MYH9: variants seen among roughly 807,000 people sequenced by gnomAD.
The protein encoded by MYH9 is myosin heavy chain 9, also known as myosin-9.
Under a neutral mutation model 241.9 loss-of-function variants are expected in MYH9, and 29 were observed. That is an observed-to-expected ratio of 0.12 (90% CI 0.09 to 0.16). MYH9 has a LOEUF of 0.16. Ranked by LOEUF, MYH9 falls within the 10% of genes least tolerant of loss-of-function variation. The pLI is 1.00. For missense variants in MYH9, 1,803 were observed against 2,595.5 expected (o/e 0.69, Z 6.63); for synonymous variants, 1,047 against 1,062.6 (o/e 0.99, Z 0.29).
chr22:36,316,059 CAG>C (rs1241790663), intron 12 of MYH9, among the ~76,000 whole-genome samples: 1 of 124,138 alleles, frequency 8.1e-6, no homozygotes, highest in African/African-American at 2.9e-5. Flanking sequence ...TTTTTTGAGA[CAG>C]AGTTTCACAC....
Position 36,295,493 on chromosome 22 carries a change from C to A in MYH9, c.3485+12G>T, listed in dbSNP as rs989099484. The A allele has an allele frequency of 3.7e-6, 6 of 1,611,146 alleles. No individual in the cohort carries two copies. In the African/African-American group the frequency reaches 5.3e-5, roughly 14 times the overall value. On this transcript the variant is annotated intron_variant, in intron 26 of 40. Transcript: ENST00000216181. The surrounding 1 kb of genome is among the most constrained non-coding windows in gnomAD (Gnocchi z 4.1). ...CCCTCCCCATCCCGAGGGACTTGGTCCCAGGGCACACCTGAGCTCCTGCTG... is the reference window on the plus strand; with the variant it reads ...CCCTCCCCATCCCGAGGGACTTGGTACCAGGGCACACCTGAGCTCCTGCTG...
Position 36,300,213 on chromosome 22 carries a change from G to T in MYH9, c.2890C>A (p.Leu964Met). The change falls in exon 23 of 41, where the codon CTG becomes ATG. Residue 964 changes from leucine to methionine, a missense_variant. Leu to Met is a conservative substitution (Grantham distance 15, BLOSUM62 2). Around this residue, in one of 11 missense-constraint regions of MYH9, gnomAD observed 290 missense variants for 360.5 expected, o/e 0.80. Coordinates refer to ENST00000216181, the MANE Select transcript of MYH9 (RefSeq NM_002473.6). This position sits in a 1 kb window ranked among gnomAD's most constrained non-coding sequence, Gnocchi z 5.0. ...TTCGCCTCGGTGGTCACCTTCTCCA[G>T]CTGCAGCTTCTGCCGGGCGCTCTCC... ...EEESARQKLQ[L>M]EKVTTEAKLK... The T allele has an allele frequency of 6.2e-7, 1 of 1,613,184 alleles. No individual in the cohort carries two copies. Among genetic ancestry groups the T allele is most frequent in the South Asian group, 1.1e-5 (1 of 91,042 alleles).
intron 1 of MYH9, among the ~76,000 whole-genome samples, chr22:36,381,324 G>A (rs193075488): frequency 0.021 from 3,160 of 152,122 alleles, 64 homozygotes; most frequent in Non-Finnish European, 0.033. Context: ...GGACCAACCT[G>A]GGCAACATGG....
rs1364444432 is a variant in MYH9 at position 36,305,960 on chromosome 22, T to C, written c.2129A>G (p.Asn710Ser). The C allele has an allele frequency of 6.2e-7, 1 of 1,613,390 alleles. No homozygotes were observed. Among genetic ancestry groups the C allele is most frequent in the Non-Finnish European group, 8.5e-7 (1 of 1,179,990 alleles). Residue 710 changes from asparagine (N) to serine (S), a missense_variant, in exon 17 of 41, where the codon AAC becomes AGC. This residue lies in a region of MYH9 where 163 missense variants were observed against 349.7 expected (regional missense o/e 0.47). Transcript: ENST00000216181. The surrounding 1 kb of genome is among the most constrained non-coding windows in gnomAD (Gnocchi z 4.7). ...GIRICRQGFP[N>S]RVVFQEFRQR... ...CCGAAACTCCTGGAAGACCACCCTG[T>C]TGGGGAAGCCCTGGCGGCAGATACG...
chr22:36,345,023 C>G (rs2017654447), intron 2 of MYH9, among the ~76,000 whole-genome samples: 1 of 152,200 alleles, frequency 6.6e-6, no homozygotes, highest in Non-Finnish European at 1.5e-5. Flanking sequence ...TTAGAAAGTT[C>G]CCATGGATGC....
At chr22:36,346,338 G>A (rs924650484) in intron 2 of MYH9, among the ~76,000 whole-genome samples, 1 of 152,166 alleles carries the variant, frequency 6.6e-6, no homozygotes. Flanking sequence ...CAGGAGTTCC[G>A]GGCAAATACA....
At chr22:36,303,378 T>C (rs1489787273) in intron 19 of MYH9, among the ~76,000 whole-genome samples, 1 of 151,802 alleles carries the variant, frequency 6.6e-6, no homozygotes. Flanking sequence ...CTCTGGGTGC[T>C]GTCCCCACAA....
At chr22:36,315,625 G>A (rs796960052) in intron 12 of MYH9, among the ~76,000 whole-genome samples, 24 of 152,220 alleles carry the variant, frequency 1.6e-4, no homozygotes, top group African/African-American at 5.8e-4. Context: ...CCACATGCCT[G>A]TAGTACCAGC....
chr22:36,358,765 C>T (rs1405449220), intron 1 of MYH9, among the ~76,000 whole-genome samples: 1 of 152,222 alleles, frequency 6.6e-6, no homozygotes, highest in Non-Finnish European at 1.5e-5. Context: ...TCCCCTGCCA[C>T]TTCTACAGAA....
chr22:36,319,723 G>C, intron 9 of MYH9, 88 bp from the exon 10 acceptor site: 14 of 1,290,790 alleles, frequency 1.1e-5, no homozygotes, highest in Non-Finnish European at 1.5e-5. Context: ...GGATCCTCAA[G>C]CCAGACAAGC....
rs1053375980 is a variant in MYH9, at chr22:36,329,787, G to T, written c.491-2299C>A. ...CACACAGAGGCGCACGCACGCACAAGGGCATGGACACACACATAGACACGC... is the reference window on the plus strand; with the variant it reads ...CACACAGAGGCGCACGCACGCACAATGGCATGGACACACACATAGACACGC... On this transcript the variant is annotated intron_variant, in intron 3 of 40. Coordinates refer to ENST00000216181, the MANE Select transcript of MYH9 (RefSeq NM_002473.6). The surrounding 1 kb of genome is among the most constrained non-coding windows in gnomAD (Gnocchi z 4.1). 4.6e-5 allele frequency among the ~76,000 whole-genome samples: 7 copies of T among 152,196 alleles called. No individual in the cohort carries two copies. The highest frequency in any genetic ancestry group is 1.0e-4 in the Non-Finnish European group (7 of 68,038).
chr22:36,303,091 G>A (rs553477711), intron 19 of MYH9, among the ~76,000 whole-genome samples: 2 of 152,158 alleles, frequency 1.3e-5, no homozygotes, highest in East Asian at 1.9e-4. Context: ...GTGGGAGAAC[G>A]TCAGAAGCTG....
intron 31 of MYH9, 62 bp from the exon 32 acceptor site, chr22:36,289,359 G>A (rs2016648428): frequency 1.3e-6 from 2 of 1,490,522 alleles, no homozygotes; most frequent in Non-Finnish European, 1.8e-6. Flanking sequence ...CAGGGCAGCT[G>A]GGCCTAAGCT....
chr22:36,352,394 G>A (rs1053117101), intron 1 of MYH9, among the ~76,000 whole-genome samples: 1 of 152,250 alleles, frequency 6.6e-6, no homozygotes, highest in African/African-American at 2.4e-5. Context: ...AGCAGTGGCA[G>A]AATGAGCTCT....
At position 36,282,721 on chromosome 22, in the gene MYH9, C is replaced by G; in HGVS notation, c.5830G>C (p.Asp1944His). ...TCCGCTTTGCCATCTACCTCTTCGT[C>G]GGAGCCATCCCCGGCGCCTTTCCGG... The part of the protein sequence containing the change: ...MARKGAGDGS[D>H]EEVDGKADGA... Residue 1944 changes from aspartate (D) to histidine (H), a missense_variant, in exon 41 of 41, where the codon GAC becomes CAC. Physicochemically the swap from Asp to His is moderately conservative, Grantham distance 81. Coordinates refer to ENST00000216181, the MANE Select transcript of MYH9 (RefSeq NM_002473.6). 6.2e-7 allele frequency: 1 copy of G among 1,613,970 alleles called. No individual in the cohort carries two copies. Among genetic ancestry groups the G allele is most frequent in the South Asian group, 1.1e-5 (1 of 91,084 alleles).
intron 5 of MYH9, 108 bp downstream of exon 5, chr22:36,326,460 C>G: frequency 9.3e-7 from 1 of 1,081,070 alleles, no homozygotes; most frequent in Non-Finnish European, 1.4e-6. Flanking sequence ...GCTTCATTCC[C>G]CAAAGCATCC....
chr22:36,318,826 C>T (rs938125154), intron 10 of MYH9, among the ~76,000 whole-genome samples: 3 of 151,842 alleles, frequency 2.0e-5, no homozygotes, highest in Non-Finnish European at 4.4e-5. Context: ...TGCAGTGGCG[C>T]GATTTCGGCT....
rs751350180 is a variant in MYH9, at chr22:36,375,955, C to CTTTTT, written c.-20+11847_-20+11851dup. ...AGTACATACAAGTGCTCAATAATTT[C>CTTTTT]TTTTTTTTTTTTTTTTTTTTTTTGA... is the stretch of plus-strand genomic sequence containing the variant. On this transcript the variant is annotated intron_variant, in intron 1 of 40. Transcript: ENST00000216181. 1.0e-3 allele frequency among the ~76,000 whole-genome samples: 90 copies of CTTTTT among 89,084 alleles called. 1 individual carries two copies. Among genetic ancestry groups the CTTTTT allele is most frequent in the South Asian group, 1.7e-3 (4 of 2,410 alleles). 58.4% of individuals were successfully genotyped at this position (89,084 alleles called of 152,430 possible). A position where few individuals can be genotyped will look rare whatever the true frequency, so the allele number is the denominator to read the frequency against.
At chr22:36,353,779 G>A (rs1002276685) in intron 1 of MYH9, among the ~76,000 whole-genome samples, 23 of 151,666 alleles carry the variant, frequency 1.5e-4, no homozygotes, top group South Asian at 6.2e-4. Flanking sequence ...CTTTCTTTTC[G>A]TGGTCCTTTC....
Sources: gnomAD v4.1 joint callset for allele counts (sites outside exome capture counted in the v4.1 genomes callset) on GRCh38, gnomAD v4.1.1 for gene constraint, gnomAD v4.1.1 regional missense constraint, Gnocchi (gnomAD v3.1) non-coding constraint, MANE v1.5 for transcripts, NCBI Gene and HGNC (gene_info 2026-07-23, HGNC 2026-07-21) for gene names.